PTK2: variants seen among roughly 807,000 people sequenced by gnomAD.
PTK2 encodes the protein protein tyrosine kinase 2.
In PTK2, 45 loss-of-function variants were observed where a neutral mutation model predicts 150.1. That is an observed-to-expected ratio of 0.30 (90% CI 0.24 to 0.38). The LOEUF (loss-of-function observed/expected upper bound fraction) is 0.38. PTK2 is among the 10% of genes least tolerant of loss of function. PTK2 has a pLI of 1.00. For synonymous variants in PTK2, 432 were observed against 449.2 expected (o/e 0.96, Z 0.48); for missense variants, 919 against 1,307.3 (o/e 0.70, Z 4.58).
At chr8:140,934,143 A>G (rs1002157596) in intron 1 of PTK2, among the ~76,000 whole-genome samples, 16 of 152,240 alleles carry the variant, frequency 1.1e-4, no homozygotes, top group African/African-American at 1.7e-4. Flanking sequence ...AAGAAATCAT[A>G]TATCTAATAA....
intron 4 of PTK2, among the ~76,000 whole-genome samples, chr8:140,869,903 G>A (rs2100141537): frequency 6.7e-6 from 1 of 149,792 alleles, no homozygotes; most frequent in Non-Finnish European, 1.5e-5. Context: ...GACAATTACA[G>A]TTGAATACTT....
intron 1 of PTK2, among the ~76,000 whole-genome samples, chr8:140,982,617 A>C (rs1015384433): frequency 8.5e-5 from 13 of 152,158 alleles, no homozygotes; most frequent in South Asian, 2.1e-4. Flanking sequence ...GAAAGAAAGA[A>C]AGACACAGGA....
At chr8:140,788,495 C>A (rs1160664243) in intron 14 of PTK2, among the ~76,000 whole-genome samples, 2 of 152,038 alleles carry the variant, frequency 1.3e-5, no homozygotes, top group Non-Finnish European at 2.9e-5. Context: ...ACCAGCCTGG[C>A]CAATATGGCA....
intron 2 of PTK2, among the ~76,000 whole-genome samples, chr8:140,913,444 C>T (rs1236456404): frequency 2.6e-5 from 4 of 151,802 alleles, no homozygotes; most frequent in Admixed American, 1.3e-4. Flanking sequence ...TACAAGTACA[C>T]GCCACTACAC....
chr8:140,840,836 C>T (rs1333294720), intron 7 of PTK2, among the ~76,000 whole-genome samples: 2 of 151,952 alleles, frequency 1.3e-5, no homozygotes, highest in Admixed American at 1.3e-4. Flanking sequence ...TTAAGAAATC[C>T]AGCACTATGA....
chr8:140,707,797 G>A (rs977426588), intron 23 of PTK2, among the ~76,000 whole-genome samples: 1 of 152,306 alleles, frequency 6.6e-6, no homozygotes, highest in African/African-American at 2.4e-5. Flanking sequence ...ATGGGATACT[G>A]AATATTCTGA....
At chr8:141,000,000 T>A (rs1589360213) in intron 1 of PTK2, among the ~76,000 whole-genome samples, 1 of 145,258 alleles carries the variant, frequency 6.9e-6, no homozygotes, top group Non-Finnish European at 1.5e-5. Flanking sequence ...AATGAGACAC[T>A]GTTGAAATGA....
chr8:140,783,571 C>T (rs1437239579), intron 14 of PTK2, among the ~76,000 whole-genome samples: 1 of 152,118 alleles, frequency 6.6e-6, no homozygotes, highest in African/African-American at 2.4e-5. Flanking sequence ...AGATAAAATG[C>T]AGTAATTATT....
At chr8:140,696,153 G>A (rs750864560) in intron 26 of PTK2, among the ~76,000 whole-genome samples, 12 of 152,150 alleles carry the variant, frequency 7.9e-5, no homozygotes, top group East Asian at 1.9e-4. Flanking sequence ...CAAACGGTAC[G>A]ATGGGAGCTG....
chr8:140,913,284 T>C (rs1602480495), intron 2 of PTK2, among the ~76,000 whole-genome samples: 2 of 144,162 alleles, frequency 1.4e-5, no homozygotes, highest in East Asian at 4.2e-4. Context: ...AGGCCAAGAA[T>C]TGTAAAATTA....
intron 1 of PTK2, among the ~76,000 whole-genome samples, chr8:140,977,010 TTAAAA>T (rs1186958161): frequency 2.0e-5 from 3 of 152,216 alleles, no homozygotes; most frequent in Non-Finnish European, 2.9e-5. Flanking sequence ...ATCAAACACT[TTAAAA>T]TAAATCATGA....
intron 3 of PTK2, among the ~76,000 whole-genome samples, chr8:140,888,846 T>C (rs1471777301): frequency 6.6e-6 from 1 of 152,220 alleles, no homozygotes; most frequent in Non-Finnish European, 1.5e-5. Context: ...TCATTAGGGC[T>C]GATACAATGG....
intron 1 of PTK2, among the ~76,000 whole-genome samples, chr8:140,965,448 T>C (rs979668909): frequency 6.6e-6 from 1 of 152,306 alleles, no homozygotes; most frequent in Admixed American, 6.5e-5. Context: ...ACACAAGCCA[T>C]GCACTGCACA....
At chr8:140,914,036 A>C (rs943749510) in intron 2 of PTK2, among the ~76,000 whole-genome samples, 13 of 152,224 alleles carry the variant, frequency 8.5e-5, no homozygotes, top group African/African-American at 2.9e-4. Context: ...AACTTCTATA[A>C]AACACTTAAA....
intron 1 of PTK2, among the ~76,000 whole-genome samples, chr8:140,944,095 A>G (rs563672675): frequency 6.6e-6 from 1 of 152,342 alleles, no homozygotes; most frequent in East Asian, 1.9e-4. Context: ...GATTGAAAGA[A>G]AAAACACTCA....
At chr8:140,906,036 CT>C (rs1241391961) in intron 2 of PTK2, among the ~76,000 whole-genome samples, 1 of 151,602 alleles carries the variant, frequency 6.6e-6, no homozygotes, top group Non-Finnish European at 1.5e-5. Context: ...ATAAATAATC[CT>C]GTTTTAAAAA....
At chr8:140,750,554 C>T (rs1159195498) in intron 17 of PTK2, 1 of 152,132 alleles carries the variant, frequency 6.6e-6, no homozygotes, top group Non-Finnish European at 1.5e-5. Flanking sequence ...GAAAAAGGTT[C>T]TCTATTGGAG....
intron 1 of PTK2, among the ~76,000 whole-genome samples, chr8:140,976,307 G>A (rs2100189236): frequency 6.6e-6 from 1 of 152,130 alleles, no homozygotes; most frequent in Non-Finnish European, 1.5e-5. Context: ...TAATGCCTGA[G>A]ATTCAGGAGA....
chr8:140,836,393 G>A lies in PTK2; in HGVS notation c.594-5867C>T, dbSNP rs184051896. Among the ~76,000 whole-genome samples the A allele has an allele frequency of 3.5e-4, 53 of 152,310 alleles. No individual in the cohort carries two copies. In the East Asian group the frequency reaches 7.9e-3, roughly 23 times the overall value. ...GGGACTAGAATACATACGTGGTGATGAGTGATGTTCAGCAGCCTCTTAGGC... is the reference window on the plus strand; with the variant it reads ...GGGACTAGAATACATACGTGGTGATAAGTGATGTTCAGCAGCCTCTTAGGC... On this transcript the variant is annotated intron_variant, in intron 7 of 31. Transcript: ENST00000522684.
Sources: allele counts gnomAD v4.1 joint callset (sites outside exome capture counted in the v4.1 genomes callset), GRCh38; gene constraint gnomAD v4.1.1; transcripts MANE v1.5; gene names NCBI Gene and HGNC (gene_info 2026-07-23, HGNC 2026-07-21).